IMPG2: variants seen among roughly 807,000 people sequenced by gnomAD.
IMPG2 encodes the protein IPM 200.
IMPG2 carries 91 observed loss-of-function variants against 129.2 expected under a neutral mutation model. That is an observed-to-expected ratio of 0.70 (90% CI 0.59 to 0.84). IMPG2 has a LOEUF of 0.84. Ranked by LOEUF, IMPG2 falls within the 40% of genes least tolerant of loss-of-function variation. IMPG2 has a pLI of 0.00. For synonymous variants in IMPG2, 510 were observed against 517.7 expected (o/e 0.99, Z 0.20); for missense variants, 1,430 against 1,461.7 (o/e 0.98, Z 0.35).
chr3:101,240,657 G>A (rs1237059818), intron 14 of IMPG2, among the ~76,000 whole-genome samples: 2 of 152,112 alleles, frequency 1.3e-5, no homozygotes, highest in Non-Finnish European at 2.9e-5. Flanking sequence ...AGCAGAAGAA[G>A]AAATCATTCC....
At chr3:101,252,923 C>T (rs900623764) in intron 11 of IMPG2, among the ~76,000 whole-genome samples, 10 of 152,226 alleles carry the variant, frequency 6.6e-5, no homozygotes, top group East Asian at 1.9e-4. Flanking sequence ...ACAAGGGAGT[C>T]CCCCTACTGT....
At chr3:101,304,350 C>T (rs960412844) in intron 2 of IMPG2, 38 bp from the exon 3 acceptor site, 1 of 1,582,538 alleles carries the variant, frequency 6.3e-7, no homozygotes, top group African/African-American at 1.3e-5. Context: ...AAAAAGCTAA[C>T]ATGCTCTGGG....
At chr3:101,285,733 G>C (rs1253875770) in intron 4 of IMPG2, among the ~76,000 whole-genome samples, 6 of 152,094 alleles carry the variant, frequency 3.9e-5, no homozygotes, top group Admixed American at 3.9e-4. Flanking sequence ...ATATGATTTT[G>C]AAATTGGTAC....
chr3:101,246,097 G>C lies in IMPG2; in HGVS notation c.1248C>G (p.Thr416=), dbSNP rs928288655. 6.2e-7 allele frequency: 1 copy of C among 1,613,704 alleles called. No homozygotes were observed. The highest frequency in any genetic ancestry group is 1.3e-5 in the African/African-American group (1 of 74,860). ...CTGCTGAGGGCCATGCAGCTTGAAA[G>C]GTATTATCCTGGGGGGAAAAAAAGG... ...QATPSSILDN[T]FQAAWPSADE... Residue 416 remains threonine, a synonymous_variant, in exon 12 of 19, where the codon ACC becomes ACG. Transcript: ENST00000193391.
intron 10 of IMPG2, among the ~76,000 whole-genome samples, chr3:101,257,279 A>G (rs1039753846): frequency 5.3e-5 from 8 of 151,750 alleles, no homozygotes; most frequent in African/African-American, 1.9e-4. Flanking sequence ...CTTTGCTCCT[A>G]TTTCTCTAAA....
chr3:101,292,539 T>C (rs1338739833), intron 3 of IMPG2, among the ~76,000 whole-genome samples: 1 of 152,220 alleles, frequency 6.6e-6, no homozygotes, highest in East Asian at 1.9e-4. Flanking sequence ...AGTCATCATC[T>C]TTCTGCTTCT....
intron 2 of IMPG2, among the ~76,000 whole-genome samples, chr3:101,309,049 T>A (rs139168447): frequency 5.0e-4 from 76 of 152,312 alleles, no homozygotes; most frequent in Non-Finnish European, 7.6e-4. Flanking sequence ...TTTATTCCAG[T>A]TCCCACAAGA....
In IMPG2 at chr3:101,320,546, T is replaced by C. The variant is rs547422100; in HGVS notation, c.-174A>G. On this transcript the variant is annotated 5_prime_UTR_variant, in exon 1 of 19. Coordinates refer to ENST00000193391, the MANE Select transcript of IMPG2 (RefSeq NM_016247.4). The stretch of plus-strand genomic sequence containing the variant: ...AAATTAGCGGAAAGAAAAATGGTTG[T>C]CCTTTCAAAGTAGCTCTCACTTCTT... 3.3e-6 allele frequency: 2 copies of C among 605,470 alleles called. No homozygotes were observed. Among genetic ancestry groups the C allele is most frequent in the Non-Finnish European group, 6.0e-6 (2 of 334,478 alleles). The allele number at this position is 605,470 out of a possible 1,614,324, so 37.5% of individuals were successfully genotyped here.
intron 4 of IMPG2, among the ~76,000 whole-genome samples, chr3:101,279,687 G>A (rs151270092): frequency 2.4e-3 from 368 of 152,306 alleles, no homozygotes; most frequent in African/African-American, 8.7e-3. Flanking sequence ...CACCTGGGGT[G>A]AGTTAAATTG....
intron 18 of IMPG2, chr3:101,227,672 G>A (rs1162434381): frequency 5.3e-6 from 2 of 379,004 alleles, no homozygotes; most frequent in African/African-American, 4.2e-5. Flanking sequence ...TTAAAAGGCA[G>A]ACGCCTGGTG....
At chr3:101,249,918 A>G (rs1706525653) in intron 11 of IMPG2, among the ~76,000 whole-genome samples, 2 of 152,118 alleles carry the variant, frequency 1.3e-5, no homozygotes. Context: ...TAAAATAAAA[A>G]AAAATAGCTG....
chr3:101,268,258 G>C (rs1706742664), intron 8 of IMPG2, among the ~76,000 whole-genome samples: 1 of 152,176 alleles, frequency 6.6e-6, no homozygotes, highest in African/African-American at 2.4e-5. Context: ...TGCAACGGCA[G>C]GATCTGAAGC....
chr3:101,264,921 A>G (rs995551094), intron 9 of IMPG2, among the ~76,000 whole-genome samples: 2 of 151,896 alleles, frequency 1.3e-5, no homozygotes, highest in Admixed American at 1.3e-4. Flanking sequence ...TCTAGCTGAG[A>G]AAAAAAAGGC....
At chr3:101,254,756 CA>C (rs1422075309) in intron 10 of IMPG2, among the ~76,000 whole-genome samples, 6 of 152,066 alleles carry the variant, frequency 3.9e-5, no homozygotes, top group Admixed American at 3.9e-4. Flanking sequence ...TGTCTCCACC[CA>C]AATCTCATGT....
chr3:101,269,473 G>A (rs1380820891), intron 8 of IMPG2, 42 bp downstream of exon 8: 24 of 1,063,160 alleles, frequency 2.3e-5, no homozygotes, highest in Non-Finnish European at 3.5e-5. Flanking sequence ...TCAGAATAAA[G>A]AATACTACTG....
chr3:101,253,817 T>A (rs1369225184), intron 10 of IMPG2, 36 bp from the exon 11 acceptor site: 40 of 1,411,578 alleles, frequency 2.8e-5, no homozygotes, highest in Non-Finnish European at 3.9e-5. Context: ...CATTTTTAGA[T>A]GAGGCCCTAT....
Position 101,243,839 on chromosome 3 carries a change from A to G in IMPG2, c.2492T>C (p.Val831Ala), listed in dbSNP as rs755831515. The change falls in exon 13 of 19, where the codon GTA (valine) becomes GCA (alanine). Residue 831 changes from valine (V) to alanine (A), a missense_variant. Physicochemically the swap from Val to Ala is moderately conservative, Grantham distance 64 (BLOSUM62 0). Transcript: ENST00000193391. The stretch of plus-strand genomic sequence containing the variant: ...CGAAATATCCTGTACACCCATAATT[A>G]CTTCATCCTCTAGCAGGGTGGAGAT... Reference protein sequence around the residue: ...TTISTLLEDEVIMGVQDISLE... With the variant: ...TTISTLLEDEAIMGVQDISLE... The G allele has an allele frequency of 2.7e-5, 44 of 1,613,996 alleles. No individual in the cohort carries two copies. The highest frequency in any genetic ancestry group is 1.2e-4 in the Admixed American group (7 of 60,000).
chr3:101,257,198 C>A (rs927564098), intron 10 of IMPG2, among the ~76,000 whole-genome samples: 2 of 152,054 alleles, frequency 1.3e-5, no homozygotes, highest in African/African-American at 4.8e-5. Context: ...GAGGTCATGT[C>A]TCGGTTGTCA....
chr3:101,233,048 T>C, intron 14 of IMPG2, 57 bp from the exon 15 acceptor site: 1 of 1,503,398 alleles, frequency 6.7e-7, no homozygotes, highest in Non-Finnish European at 9.2e-7. Context: ...AACTGGGGTA[T>C]ACAAAGCCCT....
Sources: allele counts gnomAD v4.1 joint callset (sites outside exome capture counted in the v4.1 genomes callset), GRCh38; gene constraint gnomAD v4.1.1; transcripts MANE v1.5; gene names NCBI Gene and HGNC (gene_info 2026-07-23, HGNC 2026-07-21).